Variants in CD99L2 observed in about 807,000 individuals in gnomAD.
CD99L2 encodes the protein CD99 molecule like 2.
A neutral mutation model predicts 27.3 loss-of-function variants in CD99L2; 24 were observed. The observed-to-expected ratio is 0.88, with a 90% CI of 0.64 to 1.24. The LOEUF (loss-of-function observed/expected upper bound fraction) is 1.24, where lower values mean the gene tolerates loss of function less well. Ranked by LOEUF, CD99L2 falls within the 50% of genes most tolerant of loss-of-function variation. CD99L2 has a pLI of 0.00. For missense variants in CD99L2, 255 were observed against 221.6 expected, an observed-to-expected ratio of 1.15 and a Z score of -0.96; for synonymous variants, 97 against 87.9, an observed-to-expected ratio of 1.10 and a Z score of -0.58.
chrX:150,884,313 A>G (rs1456285434), intron 1 of CD99L2, among the ~76,000 whole-genome samples: 1 of 111,951 alleles, frequency 8.9e-6, no homozygotes, highest in Non-Finnish European at 1.9e-5. Context: ...CATGTCACAT[A>G]GCCTCTAAAA....
chrX:150,769,845 T>C (rs1557418949), intron 10 of CD99L2, among the ~76,000 whole-genome samples: 1 of 112,985 alleles, frequency 8.9e-6, no homozygotes, highest in East Asian at 2.8e-4. Context: ...ATCCAGAAAG[T>C]GCTTGATGAC....
At chrX:150,886,923 T>C (rs1278799124) in intron 1 of CD99L2, among the ~76,000 whole-genome samples, 1 of 111,309 alleles carries the variant, frequency 9.0e-6, no homozygotes, top group Non-Finnish European at 1.9e-5. Context: ...TCCCAACACT[T>C]TGAGAGGCTG....
In CD99L2 at chrX:150,778,464, T is replaced by TG. The variant is rs782670012; in HGVS notation, c.497-983dup. On this transcript the variant is annotated intron_variant, in intron 7 of 10. Transcript: ENST00000370377. ...GTAAAAATGTACCACTCTGGCAGGG[T>TG]GGGGGGGTATTGATAGTTGGGGAGG... Among the ~76,000 whole-genome samples, 493 of 53,035 alleles carry TG rather than the reference T, an allele frequency of 9.3e-3. 4 individuals carry two copies. The highest frequency in any genetic ancestry group is 0.011 in the Admixed American group (49 of 4,289). 46.1% of individuals were successfully genotyped at this position (53,035 alleles called of 115,157 possible).
chrX:150,882,790 C>G (rs2047351097), intron 1 of CD99L2, among the ~76,000 whole-genome samples: 1 of 111,831 alleles, frequency 8.9e-6, no homozygotes, highest in Non-Finnish European at 1.9e-5. Context: ...GACCAATCTT[C>G]CCATTACAAA....
In CD99L2 at chrX:150,781,699, G is replaced by A. The variant is rs868989851; in HGVS notation, c.497-4217C>T. 1.9e-3 allele frequency among the ~76,000 whole-genome samples: 218 copies of A among 111,854 alleles called. 1 individual carries two copies. The highest frequency in any genetic ancestry group is 6.8e-3 in the African/African-American group (209 of 30,748). Reference sequence around the variant, plus strand: ...TGCCATAACTCTAGGGACTGCTGCCGTTGCTATAGCCACACCATAGCAATA... The same window carrying A: ...TGCCATAACTCTAGGGACTGCTGCCATTGCTATAGCCACACCATAGCAATA... On this transcript the variant is annotated intron_variant, in intron 7 of 10. Transcript: ENST00000370377.
At chrX:150,836,348 AT>A (rs113158535) in intron 1 of CD99L2, among the ~76,000 whole-genome samples, 5 of 106,786 alleles carry the variant, frequency 4.7e-5, no homozygotes, top group African/African-American at 1.4e-4. Flanking sequence ...ATTTAGCTTA[AT>A]TTTTTTTTTC....
chrX:150,876,450 C>G (rs1569566140), intron 1 of CD99L2, among the ~76,000 whole-genome samples: 1 of 112,218 alleles, frequency 8.9e-6, no homozygotes, highest in Non-Finnish European at 1.9e-5. Context: ...ATAGTAACTA[C>G]TAATACAAAA....
chrX:150,824,516 G>GGAAGAAGAAA (rs1459348026), intron 2 of CD99L2, among the ~76,000 whole-genome samples: 1 of 91,166 alleles, frequency 1.1e-5, no homozygotes, highest in Non-Finnish European at 2.1e-5. Context: ...GAAGAAGGAA[G>GGAAGAAGAAA]GAAGAAGAAA....
intron 7 of CD99L2, among the ~76,000 whole-genome samples, chrX:150,782,076 T>C (rs782712831): frequency 5.4e-5 from 6 of 111,813 alleles, no homozygotes; most frequent in Non-Finnish European, 1.1e-4. Context: ...GAGAGTAACG[T>C]AATGGTAGGA....
intron 1 of CD99L2, among the ~76,000 whole-genome samples, chrX:150,845,350 T>C (rs1335704485): frequency 2.7e-5 from 3 of 112,047 alleles, no homozygotes; most frequent in African/African-American, 9.7e-5. Context: ...TAGAACTAGA[T>C]AGTGGTGATA....
chrX:150,877,536 G>A (rs2047247852), intron 1 of CD99L2, among the ~76,000 whole-genome samples: 1 of 110,630 alleles, frequency 9.0e-6, no homozygotes. Flanking sequence ...GCAAAACTAG[G>A]AAAGGCCAGG....
intron 1 of CD99L2, among the ~76,000 whole-genome samples, chrX:150,862,040 T>A (rs11798392): frequency 0.19 from 20,609 of 111,094 alleles, 1,444 homozygotes; most frequent in African/African-American, 0.25. Flanking sequence ...AGAAGCTGAA[T>A]CCCAATAACA....
chrX:150,849,560 T>C (rs1186284811), intron 1 of CD99L2, among the ~76,000 whole-genome samples: 9 of 110,795 alleles, frequency 8.1e-5, no homozygotes, highest in African/African-American at 3.0e-4. Flanking sequence ...CATACACCTG[T>C]AGTCCCAGCT....
rs137881557 is a variant in CD99L2 at position 150,769,092 on chromosome X, G to C, written c.731C>G (p.Ser244Cys). The change falls in exon 11 of 11, where the codon TCC (serine) becomes TGC (cysteine). Residue 244 changes from serine to cysteine, a missense_variant. Coordinates refer to ENST00000370377, the MANE Select transcript of CD99L2 (RefSeq NM_031462.4). Reference sequence around the variant, plus strand: ...CTCTGCAGACTGCGTGTGCAACGTGGAGTATTTCACTAGGGGAAAAAGAGG... The same window carrying C: ...CTCTGCAGACTGCGTGTGCAACGTGCAGTATTTCACTAGGGGAAAAAGAGG... ...VVCEEPQVKY[S>C]TLHTQSAEPP... is the part of the protein sequence containing the mutation. The C allele has an allele frequency of 2.5e-4, 285 of 1,162,072 alleles. 1 individual carries two copies. In the East Asian group the frequency reaches 6.6e-3, roughly 27 times the overall value.
chrX:150,877,134 A>AAG (rs1557422346), intron 1 of CD99L2, among the ~76,000 whole-genome samples: 11 of 109,787 alleles, frequency 1.0e-4, no homozygotes, highest in Non-Finnish European at 2.1e-4. Flanking sequence ...AAAAAAAAAA[A>AAG]AAAGAAAGAA....
chrX:150,795,461 C>T lies in CD99L2; in HGVS notation c.303G>A (p.Thr101=), dbSNP rs782042285. The change falls in exon 5 of 11, where the codon ACG becomes ACA. Residue 101 remains threonine (T), a synonymous_variant. Coordinates refer to ENST00000370377, the MANE Select transcript of CD99L2 (RefSeq NM_031462.4). ...GRERWNHVTT[T]TKRPVTTRAP... is the part of the protein sequence containing the mutation. ...CTCTGGTGGTTACTGGCCTCTTGGT[C>T]GTGGTGGTTACATGGTTCCATCTCT... 25 of 1,209,089 alleles carry T rather than the reference C, an allele frequency of 2.1e-5. No homozygotes were observed. Among genetic ancestry groups the T allele is most frequent in the South Asian group, 1.8e-4 (10 of 56,703 alleles).
chrX:150,865,272 A>G (rs1280733725), intron 1 of CD99L2, among the ~76,000 whole-genome samples: 1 of 109,375 alleles, frequency 9.1e-6, no homozygotes, highest in African/African-American at 3.3e-5. Flanking sequence ...CCCAGGAGGG[A>G]GGATCTCTTG....
rs1298060219 is a variant in CD99L2 at position 150,854,442 on chromosome X, A to G, written c.68-23149T>C. On this transcript the variant is annotated intron_variant, in intron 1 of 10. Transcript: ENST00000370377. The stretch of plus-strand genomic sequence containing the variant: ...CAAAGTCTTTCCTTAGCATAGGCAA[A>G]GAATGATGCCTTATACTTTTTGTTA... Among the ~76,000 whole-genome samples, 11 of 111,708 alleles carry G rather than the reference A, an allele frequency of 9.8e-5. No homozygotes were observed. The South Asian group carries it at 1.5e-3, about 15-fold the overall frequency.
chrX:150,801,746 C>T (rs1342690840), intron 4 of CD99L2, among the ~76,000 whole-genome samples: 2 of 111,954 alleles, frequency 1.8e-5, no homozygotes, highest in Non-Finnish European at 3.8e-5. Context: ...GAATTTATTC[C>T]AGTCAGGCAA....
Sources: gnomAD v4.1 joint callset for allele counts (sites outside exome capture counted in the v4.1 genomes callset) on GRCh38, gnomAD v4.1.1 for gene constraint, MANE v1.5 for transcripts, NCBI Gene and HGNC (gene_info 2026-07-23, HGNC 2026-07-21) for gene names.